The following OVCH2 variants were observed in gnomAD, a reference collection of about 807,000 sequenced individuals.
The protein encoded by OVCH2 is ovochymase-2.
In OVCH2, 88 loss-of-function variants were observed where a neutral mutation model predicts 73.7. The observed-to-expected ratio is 1.19, with a 90% confidence interval of 1.01 to 1.43. OVCH2 has a LOEUF of 1.43. OVCH2 is among the 40% of genes most tolerant of loss of function. The pLI is 0.00. For synonymous variants in OVCH2, 265 were observed against 234.5 expected (o/e 1.13, Z -1.19); for missense variants, 706 against 674.5 (o/e 1.05, Z -0.52).
At chr11:7,691,171 G>T in intron 14 of OVCH2, 98 bp downstream of exon 14, 1 of 1,394,040 alleles carries the variant, frequency 7.2e-7, no homozygotes, top group Non-Finnish European at 9.9e-7. Flanking sequence ...TGCAGATAGT[G>T]AGAATCGACT....
intron 7 of OVCH2, chr11:7,700,034 G>T (rs972550626): frequency 1.2e-5 from 5 of 400,464 alleles, no homozygotes; most frequent in South Asian, 4.9e-5. Flanking sequence ...CATCAACTGA[G>T]ATAGTTTCAA....
rs1232603519 is a variant in OVCH2 at position 7,704,625 on chromosome 11, A to G, written c.138T>C (p.Phe46=). ...CTCCAAGAATGCGACTGAAAATGTT[A>G]AAATAATTCCAAGGCTGTACCTTAA... The part of the protein sequence containing the change: ...SLVKVQPWNY[F]NIFSRILGGS... Residue 46 remains phenylalanine (F), a synonymous_variant, in exon 2 of 16, where the codon TTT becomes TTC. Transcript: ENST00000533663. 6.2e-7 allele frequency: 1 copy of G among 1,612,902 alleles called. No homozygotes were observed. The highest frequency in any genetic ancestry group is 1.3e-5 in the African/African-American group (1 of 74,888).
At chr11:7,683,118 A>G in the OVCH2 span, among the ~76,000 whole-genome samples, 7 of 152,166 alleles carry the variant, frequency 4.6e-5, no homozygotes, top group African/African-American at 1.7e-4. Flanking sequence ...TATATCAACA[A>G]TATGCTGATA....
At chr11:7,687,308 A>G (rs4758216), downstream of OVCH2, among the ~76,000 whole-genome samples, 10,865 of 132,482 alleles carry the variant, frequency 0.082, 829 homozygotes, top group African/African-American at 0.19. Flanking sequence ...ATGGCTGTGG[A>G]AATAATAATA....
chr11:7,691,879 G>C, intron 13 of OVCH2, 23 bp downstream of exon 13: 1 of 1,536,298 alleles, frequency 6.5e-7, no homozygotes, highest in Non-Finnish European at 8.8e-7. Context: ...ACCAGAGCGA[G>C]CTGAGGCTCA....
rs570195115 is a variant in OVCH2, at chr11:7,695,080, G to A, written c.1391C>T (p.Ala464Val). The A allele has an allele frequency of 2.6e-6, 4 of 1,551,214 alleles. No homozygotes were observed. The highest frequency in any genetic ancestry group is 2.0e-5 in the Admixed American group (1 of 50,772). ...DKANCDWIFQ[A>V]SKHHLIKLSF... is the part of the protein sequence containing the mutation. ...TACCTTAATTAGGTGATGTTTGGAGGCTTGAAAAATCCAGTCACAGTTAGC... is the reference window on the plus strand; with the variant it reads ...TACCTTAATTAGGTGATGTTTGGAGACTTGAAAAATCCAGTCACAGTTAGC... The change falls in exon 12 of 16, where the codon GCC becomes GTC. Residue 464 changes from alanine to valine, a missense_variant. Physicochemically the swap from Ala to Val is moderately conservative, Grantham distance 64 (BLOSUM62 0). Coordinates refer to ENST00000533663, the MANE Select transcript of OVCH2 (RefSeq NM_198185.7).
chr11:7,696,633 C>T (rs1330017861), intron 9 of OVCH2, 44 bp from the exon 10 acceptor site: 22 of 1,613,758 alleles, frequency 1.4e-5, no homozygotes, highest in South Asian at 8.8e-5. Flanking sequence ...AGACAGAAAA[C>T]GACTATCACA....
intron 13 of OVCH2, among the ~76,000 whole-genome samples, chr11:7,691,635 C>T (rs1856223094): frequency 6.6e-6 from 1 of 152,180 alleles, no homozygotes; most frequent in South Asian, 2.1e-4. Context: ...TGGTTCTAGC[C>T]TCAGGACTTG....
At position 7,689,473 on chromosome 11, in the gene OVCH2, C is replaced by A. The variant is rs1464634724; in HGVS notation, c.*161G>T. The A allele has an allele frequency of 1.2e-5, 4 of 347,016 alleles. No individual in the cohort carries two copies. Among genetic ancestry groups the A allele is most frequent in the African/African-American group, 8.5e-5 (4 of 46,846 alleles). The allele number at this position is 347,016 out of a possible 1,614,324, so 21.5% of individuals were successfully genotyped here. A position where few individuals can be genotyped will look rare whatever the true frequency, so the allele number is the denominator to read the frequency against. On this transcript the variant is annotated 3_prime_UTR_variant, in exon 16 of 16. Coordinates refer to ENST00000533663, the MANE Select transcript of OVCH2 (RefSeq NM_198185.7). Reference sequence around the variant, plus strand: ...AACAGAAATTTATTGTCTCATAGTTCTGGAGGCTAGAAGTCCAAGATCAAC... The same window carrying A: ...AACAGAAATTTATTGTCTCATAGTTATGGAGGCTAGAAGTCCAAGATCAAC...
At position 7,704,565 on chromosome 11, in the gene OVCH2, C is replaced by T. The variant is rs368369185; in HGVS notation, c.198G>A (p.Gln66=). Residue 66 remains glutamine (Q), a splice_region_variant and synonymous_variant, in exon 2 of 16, where the codon CAG becomes CAA. Transcript: ENST00000533663. ...SQVEKGSYPW[Q]VSLKQRQKHI... is the part of the protein sequence containing the mutation. The stretch of plus-strand genomic sequence containing the variant: ...ATGCATAGAAGTCCTTGAGACTCAC[C>T]TGCCAGGGATAGGAACCCTTCTCCA... 2 of 1,596,256 alleles carry T rather than the reference C, an allele frequency of 1.3e-6. No homozygotes were observed. Among genetic ancestry groups the T allele is most frequent in the Non-Finnish European group, 1.7e-6 (2 of 1,165,326 alleles).
chr11:7,691,413 C>T lies in OVCH2; in HGVS notation c.1508-13G>A. On this transcript the variant is annotated splice_polypyrimidine_tract_variant and intron_variant, in intron 13 of 15. Coordinates refer to ENST00000533663, the MANE Select transcript of OVCH2 (RefSeq NM_198185.7). ...CCACACAGCCGAGCTTGTTGAAGGC[C>T]AGCCCAGGCATGACATTGTCAAGCA... is the stretch of plus-strand genomic sequence containing the variant. 6.2e-7 allele frequency: 1 copy of T among 1,607,514 alleles called. No homozygotes were observed. Among genetic ancestry groups the T allele is most frequent in the Admixed American group, 1.7e-5 (1 of 59,490 alleles).
chr11:7,692,473 G>A (rs998937910), intron 12 of OVCH2, among the ~76,000 whole-genome samples: 11 of 152,202 alleles, frequency 7.2e-5, no homozygotes, highest in Non-Finnish European at 1.6e-4. Context: ...GCGGGATATA[G>A]CTGGCTCCTC....
chr11:7,702,664 G>A (rs1406407586), intron 3 of OVCH2, among the ~76,000 whole-genome samples: 1 of 152,158 alleles, frequency 6.6e-6, no homozygotes, highest in Non-Finnish European at 1.5e-5. Flanking sequence ...ACCCTGGGAG[G>A]TTGACCTGAC....
At position 7,700,565 on chromosome 11, in the gene OVCH2, C is replaced by G. The variant is rs565811603; in HGVS notation, c.712-80G>C. Reference sequence around the variant, plus strand: ...TGCTCACTGTTTCCTCACAAGGATGCTGGAGGAGGATCAATGACATCTCCT... The same window carrying G: ...TGCTCACTGTTTCCTCACAAGGATGGTGGAGGAGGATCAATGACATCTCCT... On this transcript the variant is annotated intron_variant, in intron 6 of 15. Coordinates refer to ENST00000533663, the MANE Select transcript of OVCH2 (RefSeq NM_198185.7). 5.5e-6 allele frequency: 8 copies of G among 1,444,254 alleles called. No homozygotes were observed. In the South Asian group the frequency reaches 9.4e-5, roughly 17 times the overall value. The allele number at this position is 1,444,254 out of a possible 1,614,324, so 89.5% of individuals were successfully genotyped here. A position where few individuals can be genotyped will look rare whatever the true frequency, so the allele number is the denominator to read the frequency against.
At chr11:7,693,455 A>G (rs184905300) in intron 12 of OVCH2, among the ~76,000 whole-genome samples, 2 of 152,286 alleles carry the variant, frequency 1.3e-5, no homozygotes, top group Admixed American at 1.3e-4. Context: ...CTGCAAAATG[A>G]TGCTGTCACT....
intron 8 of OVCH2, 94 bp downstream of exon 8, chr11:7,698,656 G>A (rs1856378930): frequency 7.4e-7 from 1 of 1,351,364 alleles, no homozygotes; most frequent in Non-Finnish European, 1.0e-6. Context: ...TGAGCAGGGA[G>A]CGCTCTTGGA....
intron 4 of OVCH2, 37 bp downstream of exon 4, chr11:7,702,120 T>C: frequency 2.6e-6 from 4 of 1,529,512 alleles, no homozygotes; most frequent in East Asian, 4.5e-5. Context: ...ATAGAGAACA[T>C]GGGGTAGACA....
chr11:7,687,642 G>A (rs1202536627), downstream of OVCH2, among the ~76,000 whole-genome samples: 15 of 151,924 alleles, frequency 9.9e-5, no homozygotes, highest in Admixed American at 4.6e-4. Context: ...AAATCCAAAG[G>A]CCTCTTTTCC....
At position 7,689,947 on chromosome 11, in the gene OVCH2, G is replaced by T; in HGVS notation, c.*8C>A. On this transcript the variant is annotated 3_prime_UTR_variant, in exon 15 of 16. Transcript: ENST00000533663. ...ACCAGAAACATTGGTTTCTCCATTT[G>T]GCACATCTCATGTCTCCAGAAACAT... 1 of 1,518,380 alleles carries T rather than the reference G, an allele frequency of 6.6e-7. No homozygotes were observed. Among genetic ancestry groups the T allele is most frequent in the Non-Finnish European group, 8.8e-7 (1 of 1,130,902 alleles). The allele number at this position is 1,518,380 out of a possible 1,614,324, so 94.1% of individuals were successfully genotyped here. A position where few individuals can be genotyped will look rare whatever the true frequency, so the allele number is the denominator to read the frequency against.
Sources: allele counts gnomAD v4.1 joint callset (sites outside exome capture counted in the v4.1 genomes callset), GRCh38; gene constraint gnomAD v4.1.1; transcripts MANE v1.5; gene names NCBI Gene and HGNC (gene_info 2026-07-23, HGNC 2026-07-21).